NFATC3: variants seen among roughly 807,000 people sequenced by gnomAD.
The protein encoded by NFATC3 is nuclear factor of activated T-cells, cytoplasmic 3.
In NFATC3, 46 loss-of-function variants were observed where a neutral mutation model predicts 98.6. That is an observed-to-expected ratio of 0.47 (90% CI 0.37 to 0.60). The LOEUF is 0.60. Ranked by LOEUF, NFATC3 falls within the 20% of genes least tolerant of loss-of-function variation. NFATC3 has a pLI of 0.00. For synonymous variants in NFATC3, 512 were observed against 472.2 expected (o/e 1.08, Z -1.09); for missense variants, 1,256 against 1,295.5 (o/e 0.97, Z 0.47).
chr16:68,141,792 A>G (rs1264092901), intron 3 of NFATC3, among the ~76,000 whole-genome samples: 1 of 152,090 alleles, frequency 6.6e-6, no homozygotes, highest in Non-Finnish European at 1.5e-5. Context: ...TTTCTTCCAC[A>G]GTGCAGAATC....
intron 9 of NFATC3, among the ~76,000 whole-genome samples, chr16:68,202,638 C>A (rs1213002072): frequency 6.6e-6 from 1 of 151,978 alleles, no homozygotes; most frequent in Non-Finnish European, 1.5e-5. Context: ...ATAGTGAAAC[C>A]CCGTCTCTAC....
At chr16:68,215,453 TTAC>T (rs2041595388) in intron 9 of NFATC3, among the ~76,000 whole-genome samples, 1 of 152,244 alleles carries the variant, frequency 6.6e-6, no homozygotes, top group African/African-American at 2.4e-5. Context: ...AGGCTAAAGC[TTAC>T]TTCTTCCAGT....
chr16:68,134,863 C>T (rs1461731304), intron 3 of NFATC3, among the ~76,000 whole-genome samples: 4 of 152,074 alleles, frequency 2.6e-5, no homozygotes, highest in Non-Finnish European at 5.9e-5. Context: ...TTTAAGAATA[C>T]AAGAAGCAAA....
chr16:68,175,101 A>G (rs2039628987), intron 6 of NFATC3, among the ~76,000 whole-genome samples: 1 of 152,274 alleles, frequency 6.6e-6, no homozygotes, highest in South Asian at 2.1e-4. Context: ...ATAAAAATTA[A>G]TGAAGTACTC....
chr16:68,196,644 A>C (rs1389009744), intron 9 of NFATC3, among the ~76,000 whole-genome samples: 2 of 151,904 alleles, frequency 1.3e-5, no homozygotes, highest in Non-Finnish European at 2.9e-5. Flanking sequence ...CAGTGAGCTG[A>C]GATCGCACCA....
Position 68,111,263 on chromosome 16 carries a change from C to T in NFATC3, c.104-10724C>T, listed in dbSNP as rs534933531. Among the ~76,000 whole-genome samples, 229 of 152,248 alleles carry T rather than the reference C, an allele frequency of 1.5e-3. 1 individual carries two copies. The Middle Eastern group carries it at 0.017, about 11-fold the overall frequency. On this transcript the variant is annotated intron_variant, in intron 1 of 9. Coordinates refer to ENST00000346183, the MANE Select transcript of NFATC3 (RefSeq NM_173165.3). ...TATTGTTGTGTGGGAGTCTAAGTCT[C>T]TTTGTAGGTTTCTAAAAACTTGTTT...
At position 68,098,297 on chromosome 16, in the gene NFATC3, A is replaced by ATTT. The variant is rs71382032; in HGVS notation, c.103+12515_103+12516insTTT. Among the ~76,000 whole-genome samples, 333 of 101,368 alleles carry ATTT rather than the reference A, an allele frequency of 3.3e-3. 3 individuals are homozygous for ATTT. The highest frequency in any genetic ancestry group is 4.9e-3 in the African/African-American group (112 of 23,068). 66.5% of individuals were successfully genotyped at this position (101,368 alleles called of 152,430 possible). On this transcript the variant is annotated intron_variant, in intron 1 of 9. Coordinates refer to ENST00000346183, the MANE Select transcript of NFATC3 (RefSeq NM_173165.3). Reference sequence around the variant, plus strand: ...TATTATTATTATTATTATTATTATTATTATTTTTTTTTTTTTTTTTTTAGA... The same window carrying ATTT: ...TATTATTATTATTATTATTATTATTATTTTTATTTTTTTTTTTTTTTTTTTAGA...
chr16:68,218,059 C>CT (rs1257008237), intron 9 of NFATC3: 86 of 1,047,688 alleles, frequency 8.2e-5, no homozygotes, highest in Non-Finnish European at 8.7e-5. Context: ...TGGTTTTTCC[C>CT]TTTTTTTTGT....
intron 3 of NFATC3, among the ~76,000 whole-genome samples, chr16:68,144,307 C>T (rs2037917800): frequency 6.6e-6 from 1 of 152,066 alleles, no homozygotes; most frequent in Admixed American, 6.6e-5. Context: ...TGCACAGAAA[C>T]TGGATGCTTC....
Position 68,122,322 on chromosome 16 carries a change from G to A in NFATC3, c.439G>A (p.Asp147Asn). 1 of 1,614,100 alleles carries A rather than the reference G, an allele frequency of 6.2e-7. No individual in the cohort carries two copies. The highest frequency in any genetic ancestry group is 8.5e-7 in the Non-Finnish European group (1 of 1,180,014). The change falls in exon 2 of 10, where the codon GAT (aspartate) becomes AAT (asparagine). Residue 147 changes from aspartate to asparagine, a missense_variant. Physicochemically the swap from Asp to Asn is conservative, Grantham distance 23. Transcript: ENST00000346183. ...GGAATTTTTGGAAAGGCCTTCTAGA[G>A]ATCATCTCTATCTTCCTCTTGAGCC... ...EREFLERPSR[D>N]HLYLPLEPSY...
chr16:68,104,969 A>G (rs1305577927), intron 1 of NFATC3, among the ~76,000 whole-genome samples: 1 of 151,738 alleles, frequency 6.6e-6, no homozygotes, highest in African/African-American at 2.4e-5. Flanking sequence ...AATGCTCTTG[A>G]TCATGTTAAG....
In NFATC3 at chr16:68,191,794, T is replaced by C. The variant is rs369707883; in HGVS notation, c.3106+19T>C. ...GATGATGGTAAGTTCATCTCTGATA[T>C]GTTCTTGAAGTAGTGAAGATTCAGG... On this transcript the variant is annotated intron_variant, in intron 9 of 9. Transcript: ENST00000346183. 9 of 1,613,376 alleles carry C rather than the reference T, an allele frequency of 5.6e-6. No homozygotes were observed. The African/African-American group carries it at 6.7e-5, about 12-fold the overall frequency.
At chr16:68,143,547 G>A (rs1268536457) in intron 3 of NFATC3, among the ~76,000 whole-genome samples, 2 of 152,028 alleles carry the variant, frequency 1.3e-5, no homozygotes, top group African/African-American at 4.8e-5. Context: ...AATGGGTTGT[G>A]GATTTAATTA....
At chr16:68,106,988 A>G (rs1044107752) in intron 1 of NFATC3, among the ~76,000 whole-genome samples, 5 of 151,768 alleles carry the variant, frequency 3.3e-5, no homozygotes, top group South Asian at 2.1e-4. Context: ...TTGTTCACCT[A>G]CTGTTTATAA....
At chr16:68,092,455 A>ATC (rs1314075906) in intron 1 of NFATC3, among the ~76,000 whole-genome samples, 10 of 149,450 alleles carry the variant, frequency 6.7e-5, no homozygotes, top group African/African-American at 2.5e-4. Context: ...TCTCTCTCAA[A>ATC]AAAAAAAAAA....
intron 9 of NFATC3, among the ~76,000 whole-genome samples, chr16:68,194,201 C>T (rs1343397573): frequency 6.6e-6 from 1 of 152,164 alleles, no homozygotes; most frequent in Non-Finnish European, 1.5e-5. Context: ...TTTCTTGTGG[C>T]ACTACAGCTG....
At chr16:68,090,671 G>C (rs947272770) in intron 1 of NFATC3, among the ~76,000 whole-genome samples, 8 of 151,992 alleles carry the variant, frequency 5.3e-5, no homozygotes, top group African/African-American at 1.9e-4. Flanking sequence ...GTGAAAGTTG[G>C]TTGATCTGCC....
intron 2 of NFATC3, among the ~76,000 whole-genome samples, chr16:68,125,436 G>A (rs1255188645): frequency 6.6e-6 from 1 of 152,170 alleles, no homozygotes; most frequent in Admixed American, 6.5e-5. Context: ...GTAACATTTA[G>A]AGTTGCTGGA....
chr16:68,218,169 C>T, intron 9 of NFATC3: 1 of 385,210 alleles, frequency 2.6e-6, no homozygotes, highest in Non-Finnish European at 3.6e-6. Context: ...CTCAAGTGAT[C>T]CTCTTGTCTC....
Sources: gnomAD v4.1 joint callset for allele counts (sites outside exome capture counted in the v4.1 genomes callset) on GRCh38, gnomAD v4.1.1 for gene constraint, MANE v1.5 for transcripts, NCBI Gene and HGNC (gene_info 2026-07-23, HGNC 2026-07-21) for gene names.